Variants in KIAA0232 observed in about 807,000 individuals in gnomAD.
KIAA0232 encodes KIAA0232.
In KIAA0232, 27 loss-of-function variants were observed where a neutral mutation model predicts 122.0. That is an observed-to-expected ratio of 0.22 (90% confidence interval 0.16 to 0.31). KIAA0232 has a LOEUF of 0.31. Among genes scored for constraint, KIAA0232 ranks in the 10% least tolerant of loss-of-function variants. The pLI, the probability that KIAA0232 is intolerant of heterozygous loss-of-function variation, is 1.00. For synonymous variants in KIAA0232, 613 were observed against 587.6 expected, an observed-to-expected ratio of 1.04 and a Z score of -0.63; for missense variants, 1,551 against 1,634.2, an observed-to-expected ratio of 0.95 and a Z score of 0.88.
intron 1 of KIAA0232, among the ~76,000 whole-genome samples, chr4:6,804,299 A>G (rs1203745894): frequency 6.6e-6 from 1 of 152,152 alleles, no homozygotes; most frequent in African/African-American, 2.4e-5. Context: ...GTTCTGGTAC[A>G]TGAACACTAG....
chr4:6,844,984 T>C (rs182804030), intron 4 of KIAA0232, among the ~76,000 whole-genome samples: 1 of 152,234 alleles, frequency 6.6e-6, no homozygotes, highest in Admixed American at 6.5e-5. Flanking sequence ...AAAGTCACTT[T>C]CGGTAACAAC....
rs760074179 is a variant in KIAA0232, at chr4:6,861,280, A to G, written c.898A>G (p.Ser300Gly). ...SGSSEAGSSS[S>G]GNQGELKASM... is the part of the protein sequence containing the mutation. Reference sequence around the variant, plus strand: ...CTCCAGTGAAGCAGGCTCAAGTTCCAGTGGGAATCAGGGAGAATTAAAAGC... The same window carrying G: ...CTCCAGTGAAGCAGGCTCAAGTTCCGGTGGGAATCAGGGAGAATTAAAAGC... The change falls in exon 7 of 10, where the codon AGT becomes GGT. Residue 300 changes from serine to glycine, a missense_variant. This residue lies in a region of KIAA0232 where 377 missense variants were observed against 381.7 expected (regional missense o/e 0.99). Coordinates refer to ENST00000307659, the MANE Select transcript of KIAA0232 (RefSeq NM_014743.3). The G allele has an allele frequency of 6.2e-7, 1 of 1,614,150 alleles. No homozygotes were observed.
chr4:6,809,072 GCTT>G (rs1182103141), intron 2 of KIAA0232, among the ~76,000 whole-genome samples: 1 of 152,184 alleles, frequency 6.6e-6, no homozygotes, highest in East Asian at 1.9e-4. Context: ...ATTAGAAAGG[GCTT>G]CTTCAGGAAG....
Position 6,862,275 on chromosome 4 carries a change from T to G in KIAA0232, c.1893T>G (p.Asn631Lys). ...TCAATTCACACCTGCTTGCTGGCAA[T>G]CAAGAGCTCTTTTCAGATATTAATG... Reference protein sequence around the residue: ...TVLNSHLLAGNQELFSDINEG... With the variant: ...TVLNSHLLAGKQELFSDINEG... Residue 631 changes from asparagine to lysine, a missense_variant, in exon 7 of 10, where the codon AAT becomes AAG. Physicochemically the swap from Asn to Lys is moderately conservative, Grantham distance 94. Around this residue, in one of 5 missense-constraint regions of KIAA0232, gnomAD observed 1,108 missense variants for 1,154.8 expected, o/e 0.96. Transcript: ENST00000307659. 6.2e-7 allele frequency: 1 copy of G among 1,614,186 alleles called. No individual in the cohort carries two copies. Among genetic ancestry groups the G allele is most frequent in the Non-Finnish European group, 8.5e-7 (1 of 1,180,030 alleles).
intron 7 of KIAA0232, among the ~76,000 whole-genome samples, chr4:6,866,768 A>C (rs17796902): frequency 0.33 from 50,078 of 152,130 alleles, 9,131 homozygotes; most frequent in Middle Eastern, 0.41. Context: ...TTTAGTGAGT[A>C]CCTGTTTACA....
At chr4:6,840,836 G>A (rs1470341138) in intron 3 of KIAA0232, among the ~76,000 whole-genome samples, 1 of 151,420 alleles carries the variant, frequency 6.6e-6, no homozygotes, top group Non-Finnish European at 1.5e-5. Context: ...ACTTTTAATA[G>A]TACAGGATAG....
chr4:6,847,874 C>G (rs931426429), intron 4 of KIAA0232, among the ~76,000 whole-genome samples: 6 of 141,498 alleles, frequency 4.2e-5, no homozygotes, highest in African/African-American at 1.3e-4. Flanking sequence ...AAAAAAAAAA[C>G]TACTTATATT....
intron 3 of KIAA0232, among the ~76,000 whole-genome samples, chr4:6,826,394 C>T (rs571402710): frequency 1.9e-4 from 29 of 152,026 alleles, no homozygotes; most frequent in African/African-American, 6.0e-4. Flanking sequence ...GCAAGTAAGA[C>T]GTTAAATCTA....
intron 4 of KIAA0232, among the ~76,000 whole-genome samples, chr4:6,854,752 A>AT (rs565992714): frequency 5.3e-4 from 80 of 152,198 alleles, no homozygotes; most frequent in African/African-American, 1.8e-3. Flanking sequence ...GAATGGTAGC[A>AT]TTTTTTTCAC....
chr4:6,818,939 G>T (rs1304672557), intron 2 of KIAA0232, among the ~76,000 whole-genome samples: 1 of 152,034 alleles, frequency 6.6e-6, no homozygotes, highest in East Asian at 1.9e-4. Context: ...TGTAGCCATC[G>T]AATCTTCAAC....
intron 1 of KIAA0232, among the ~76,000 whole-genome samples, chr4:6,783,515 G>A (rs564478863): frequency 1.3e-5 from 2 of 152,314 alleles, no homozygotes; most frequent in South Asian, 2.1e-4. Flanking sequence ...CCGGCAGCGG[G>A]GTCAGGCCGG....
chr4:6,828,676 A>G (rs1466400660), intron 3 of KIAA0232, among the ~76,000 whole-genome samples: 1 of 152,204 alleles, frequency 6.6e-6, no homozygotes, highest in African/African-American at 2.4e-5. Context: ...TATACAATAA[A>G]TATTATTAGC....
intron 4 of KIAA0232, among the ~76,000 whole-genome samples, chr4:6,853,224 G>A (rs1309551883): frequency 6.6e-6 from 1 of 152,098 alleles, no homozygotes; most frequent in Admixed American, 6.5e-5. Context: ...AAACATTTGA[G>A]GGATGAGATG....
chr4:6,837,813 C>T (rs1427281148), intron 3 of KIAA0232, among the ~76,000 whole-genome samples: 1 of 151,978 alleles, frequency 6.6e-6, no homozygotes, highest in Non-Finnish European at 1.5e-5. Flanking sequence ...ACCGGGCAGG[C>T]TGAGGCAGGA....
At chr4:6,858,298 A>G in intron 5 of KIAA0232, 127 bp from the exon 6 acceptor site, 1 of 587,348 alleles carries the variant, frequency 1.7e-6, no homozygotes, top group Middle Eastern at 4.5e-4. Flanking sequence ...AAAGATCGGT[A>G]TTGAGTTTGC....
At chr4:6,871,976 C>T (rs1721516967) in intron 8 of KIAA0232, among the ~76,000 whole-genome samples, 1 of 152,218 alleles carries the variant, frequency 6.6e-6, no homozygotes. Context: ...CGGGCAGTCC[C>T]TGTGAAGAGA....
intron 3 of KIAA0232, among the ~76,000 whole-genome samples, chr4:6,825,235 T>G (rs946636010): frequency 6.6e-6 from 1 of 152,164 alleles, no homozygotes; most frequent in African/African-American, 2.4e-5. Flanking sequence ...CACATTTTAT[T>G]TGACTTTGCC....
In KIAA0232 at chr4:6,861,463, C is replaced by G; in HGVS notation, c.1081C>G (p.Gln361Glu). 2 of 1,614,180 alleles carry G rather than the reference C, an allele frequency of 1.2e-6. No homozygotes were observed. Among genetic ancestry groups the G allele is most frequent in the Non-Finnish European group, 1.7e-6 (2 of 1,180,026 alleles). ...SSSSSSGSVK[Q>E]LCKRGKRPLK... ...CAGTAGCAGCAGTGGTTCTGTCAAA[C>G]AGCTGTGCAAGCGGGGTAAGAGACC... Residue 361 changes from glutamine (Q) to glutamate (E), a missense_variant, in exon 7 of 10, where the codon CAG becomes GAG. Coordinates refer to ENST00000307659, the MANE Select transcript of KIAA0232 (RefSeq NM_014743.3).
chr4:6,822,337 G>A (rs539131701), intron 2 of KIAA0232, among the ~76,000 whole-genome samples: 7 of 152,150 alleles, frequency 4.6e-5, no homozygotes, highest in South Asian at 4.1e-4. Flanking sequence ...TTAGTCCTGC[G>A]GTGAACTTAA....
Sources: gnomAD v4.1 joint callset for allele counts (sites outside exome capture counted in the v4.1 genomes callset) on GRCh38, gnomAD v4.1.1 for gene constraint, gnomAD v4.1.1 regional missense constraint, MANE v1.5 for transcripts, NCBI Gene and HGNC (gene_info 2026-07-23, HGNC 2026-07-21) for gene names.